Variants in AFM observed in about 807,000 individuals in gnomAD.
The protein encoded by AFM is alpha-Alb.
AFM carries 82 observed loss-of-function variants against 68.7 expected under a neutral mutation model. That is an observed-to-expected ratio of 1.19 (90% CI 1.00 to 1.43). The LOEUF (loss-of-function observed/expected upper bound fraction) is 1.43. AFM is among the 40% of genes most tolerant of loss of function. The probability of loss-of-function intolerance (pLI) is 0.00; values close to 1 mark genes in which losing one functional copy is unlikely to be tolerated. For missense variants in AFM, 772 were observed against 701.8 expected (o/e 1.10, Z -1.13); for synonymous variants, 250 against 234.2 (o/e 1.07, Z -0.61).
chr4:73,485,693 G>T (rs183371041), intron 3 of AFM, among the ~76,000 whole-genome samples, 169 bp from the exon 4 acceptor site: 4 of 145,590 alleles, frequency 2.7e-5, no homozygotes, highest in Middle Eastern at 3.2e-3. Flanking sequence ...AGAGAAGGAG[G>T]GGGGGAAGGG....
chr4:73,483,994 G>A lies in AFM; in HGVS notation c.137+5G>A. 3 of 1,519,548 alleles carry A rather than the reference G, an allele frequency of 2.0e-6. No individual in the cohort carries two copies. The South Asian group carries it at 3.6e-5, about 18-fold the overall frequency. 94.1% of individuals were successfully genotyped at this position (1,519,548 alleles called of 1,614,324 possible). A position where few individuals can be genotyped will look rare whatever the true frequency, so the allele number is the denominator to read the frequency against. On this transcript the variant is annotated splice_donor_5th_base_variant and intron_variant, in intron 2 of 14. Coordinates refer to ENST00000226355, the MANE Select transcript of AFM (RefSeq NM_001133.2). The stretch of plus-strand genomic sequence containing the variant: ...AGAAGATAATATTGAATACATGTGA[G>A]TTGTGCTAAATACTTTTTGATGATG...
chr4:73,483,383 C>T (rs572793477), intron 1 of AFM, among the ~76,000 whole-genome samples: 6 of 152,284 alleles, frequency 3.9e-5, no homozygotes, highest in African/African-American at 1.4e-4. Context: ...TCCAGCACAA[C>T]ACTTTGCAAA....
intron 3 of AFM, among the ~76,000 whole-genome samples, chr4:73,485,499 C>T (rs1720864746): frequency 6.6e-6 from 1 of 151,060 alleles, no homozygotes; most frequent in South Asian, 2.1e-4. Context: ...ATCTAGCCTG[C>T]ACAACATATC....
At chr4:73,489,673 A>G (rs1721012316) in intron 7 of AFM, among the ~76,000 whole-genome samples, 1 of 152,210 alleles carries the variant, frequency 6.6e-6, no homozygotes, top group Non-Finnish European at 1.5e-5. Context: ...AGAAATCTTT[A>G]AAGTGATTTT....
rs541138145 is a variant in AFM at position 73,495,874 on chromosome 4, C to T, written c.1191+442C>T. The stretch of plus-strand genomic sequence containing the variant: ...AAAGCAACAAAGGTTACAAAGAACC[C>T]TTTTCTGATTCTCCCACTGGGAAAT... On this transcript the variant is annotated intron_variant, in intron 9 of 14. Transcript: ENST00000226355. Among the ~76,000 whole-genome samples, 258 of 152,260 alleles carry T rather than the reference C, an allele frequency of 1.7e-3. 1 individual carries two copies. Among genetic ancestry groups the T allele is most frequent in the African/African-American group, 6.2e-3 (256 of 41,546 alleles).
At chr4:73,489,182 T>C (rs941064034) in intron 7 of AFM, among the ~76,000 whole-genome samples, 1 of 152,182 alleles carries the variant, frequency 6.6e-6, no homozygotes, top group Admixed American at 6.5e-5. Flanking sequence ...TCAGGTATAG[T>C]CCTTCCAAAT....
In AFM at chr4:73,486,994, C is replaced by A; in HGVS notation, c.510C>A (p.Asn170Lys). 6.2e-7 allele frequency: 1 copy of A among 1,613,458 alleles called. No individual in the cohort carries two copies. The change falls in exon 5 of 15, where the codon AAC becomes AAA. Residue 170 changes from asparagine to lysine, a missense_variant. Asn to Lys is a moderately conservative substitution (Grantham distance 94). Transcript: ENST00000226355. Reference protein sequence around the residue: ...NHFLYEVARRNPFVFAPTLLT... With the variant: ...NHFLYEVARRKPFVFAPTLLT... The stretch of plus-strand genomic sequence containing the variant: ...TTTTATATGAAGTTGCCAGAAGGAA[C>A]CCATTTGTCTTCGCCCCTACACTTC...
intron 7 of AFM, among the ~76,000 whole-genome samples, chr4:73,488,979 T>G (rs1006721403): frequency 9.2e-5 from 14 of 152,206 alleles, no homozygotes; most frequent in Admixed American, 6.5e-4. Context: ...GATTGTATAT[T>G]ATATGGCTAA....
intron 3 of AFM, among the ~76,000 whole-genome samples, chr4:73,485,620 A>AAGAG (rs1720873996): frequency 2.0e-5 from 1 of 50,686 alleles, no homozygotes; most frequent in East Asian, 6.1e-4. Flanking sequence ...AAGAGGAAGA[A>AAGAG]GAAGAAGAAA....
At chr4:73,486,509 GAAATCT>G (rs1720906852) in intron 4 of AFM, among the ~76,000 whole-genome samples, 1 of 152,170 alleles carries the variant, frequency 6.6e-6, no homozygotes, top group African/African-American at 2.4e-5. Flanking sequence ...TATGCTCCTT[GAAATCT>G]AAATCTAAAT....
chr4:73,487,018 TCTAA>T lies in AFM; in HGVS notation c.537_540del (p.Thr180LeufsTer33). ...ACCCATTTGTCTTCGCCCCTACACT[TCTAA>T]CTGTTGCTGTTCATTTTGAGGAGGT... On this transcript the variant is annotated frameshift_variant, in exon 5 of 15. Coordinates refer to ENST00000226355, the MANE Select transcript of AFM (RefSeq NM_001133.2). LOFTEE classifies it high-confidence loss of function. 1 of 1,614,024 alleles carries T rather than the reference TCTAA, an allele frequency of 6.2e-7. No individual in the cohort carries two copies. Among genetic ancestry groups the T allele is most frequent in the Non-Finnish European group, 8.5e-7 (1 of 1,179,968 alleles).
chr4:73,488,720 A>G lies in AFM; in HGVS notation c.804A>G (p.Gly268=), dbSNP rs555634203. Residue 268 remains glycine (G), a synonymous_variant, in exon 7 of 15, where the codon GGA becomes GGG. Transcript: ENST00000226355. Reference sequence around the variant, plus strand: ...AAGATGTTTCTTCCAACTATGATGGATGCTGTGAAGGGGATGTTGTGCAGT... The same window carrying G: ...AAGATGTTTCTTCCAACTATGATGGGTGCTGTGAAGGGGATGTTGTGCAGT... ...LVEDVSSNYD[G]CCEGDVVQCI... 28 of 1,613,258 alleles carry G rather than the reference A, an allele frequency of 1.7e-5. No homozygotes were observed. The African/African-American group carries it at 2.4e-4, about 14-fold the overall frequency.
intron 1 of AFM, among the ~76,000 whole-genome samples, chr4:73,482,214 T>A (rs1049915302): frequency 1.3e-5 from 2 of 152,206 alleles, no homozygotes; most frequent in Non-Finnish European, 2.9e-5. Flanking sequence ...TTAACTGGGA[T>A]TTTTCTGGAA....
chr4:73,482,054 A>G (rs3765639), intron 1 of AFM, among the ~76,000 whole-genome samples, 191 bp downstream of exon 1: 33,594 of 152,180 alleles, frequency 0.22, 4,189 homozygotes, highest in Admixed American at 0.33. Flanking sequence ...TTATATTACC[A>G]AGTCTATATG....
intron 4 of AFM, 85 bp downstream of exon 4, chr4:73,486,158 G>T (rs112699081): frequency 3.6e-6 from 4 of 1,123,198 alleles, no homozygotes; most frequent in East Asian, 2.5e-5. Flanking sequence ...AAATATGGCT[G>T]GGTTCATTAA....
intron 9 of AFM, among the ~76,000 whole-genome samples, 162 bp from the exon 10 acceptor site, chr4:73,497,490 T>A (rs917188702): frequency 6.6e-6 from 1 of 152,182 alleles, no homozygotes; most frequent in Admixed American, 6.5e-5. Flanking sequence ...AATTAAAAAA[T>A]TAAGTTCTTG....
Position 73,484,006 on chromosome 4 carries a change from A to G in AFM, c.137+17A>G. 1 of 1,501,856 alleles carries G rather than the reference A, an allele frequency of 6.7e-7. No individual in the cohort carries two copies. The highest frequency in any genetic ancestry group is 9.1e-7 in the Non-Finnish European group (1 of 1,102,848). 93.0% of individuals were successfully genotyped at this position (1,501,856 alleles called of 1,614,324 possible). ...TGAATACATGTGAGTTGTGCTAAATACTTTTTGATGATGATTTTTAAAATG... is the reference window on the plus strand; with the variant it reads ...TGAATACATGTGAGTTGTGCTAAATGCTTTTTGATGATGATTTTTAAAATG... On this transcript the variant is annotated intron_variant, in intron 2 of 14. Coordinates refer to ENST00000226355, the MANE Select transcript of AFM (RefSeq NM_001133.2).
chr4:73,492,165 G>A, intron 8 of AFM, 79 bp downstream of exon 8: 2 of 1,264,784 alleles, frequency 1.6e-6, no homozygotes, highest in Non-Finnish European at 2.2e-6. Context: ...TAATTTAGGT[G>A]GAAGGACATG....
At chr4:73,496,770 AGT>A (rs1188084178) in intron 9 of AFM, among the ~76,000 whole-genome samples, 3 of 152,188 alleles carry the variant, frequency 2.0e-5, no homozygotes, top group Non-Finnish European at 4.4e-5. Context: ...TGTTGAAATT[AGT>A]GTTTTTCATA....
Sources: gnomAD v4.1 joint callset for allele counts (sites outside exome capture counted in the v4.1 genomes callset) on GRCh38, gnomAD v4.1.1 for gene constraint, MANE v1.5 for transcripts, NCBI Gene and HGNC (gene_info 2026-07-23, HGNC 2026-07-21) for gene names.